Variants in AFAP1L2 observed in about 807,000 individuals in gnomAD.
AFAP1L2 encodes the protein actin filament-associated protein 1-like 2.
In AFAP1L2, 46 loss-of-function variants were observed where a neutral mutation model predicts 99.3. The observed-to-expected ratio is 0.46, with a 90% confidence interval of 0.37 to 0.59. The LOEUF is 0.59. Ranked by LOEUF, AFAP1L2 falls within the 20% of genes least tolerant of loss-of-function variation. AFAP1L2 has a pLI of 0.00. For missense variants in AFAP1L2, 959 were observed against 1,034.9 expected (o/e 0.93, Z 1.01); for synonymous variants, 397 against 419.1 (o/e 0.95, Z 0.64).
At chr10:114,378,287 A>G (rs73369135) in intron 1 of AFAP1L2, among the ~76,000 whole-genome samples, 1,739 of 152,308 alleles carry the variant, frequency 0.011, 20 homozygotes, top group African/African-American at 0.039. Context: ...CAGGGGCAAA[A>G]CTGTGTCGTC....
At chr10:114,299,177 G>A in intron 16 of AFAP1L2, 83 bp downstream of exon 16, 1 of 1,543,426 alleles carries the variant, frequency 6.5e-7, no homozygotes, top group African/African-American at 1.4e-5. Context: ...AGAAGGTGTG[G>A]TGACAGCCAG....
At chr10:114,384,403 C>G (rs2056221139) in intron 1 of AFAP1L2, among the ~76,000 whole-genome samples, 1 of 152,080 alleles carries the variant, frequency 6.6e-6, no homozygotes, top group African/African-American at 2.4e-5. Context: ...ATTGTTCCCC[C>G]CACACTTGTC....
At chr10:114,371,023 A>G (rs1190841055) in intron 1 of AFAP1L2, among the ~76,000 whole-genome samples, 1 of 152,162 alleles carries the variant, frequency 6.6e-6, no homozygotes, top group African/African-American at 2.4e-5. Context: ...TGACCATGAC[A>G]TCTACTTGGG....
chr10:114,357,369 C>T (rs192586139), intron 1 of AFAP1L2, among the ~76,000 whole-genome samples: 29 of 152,264 alleles, frequency 1.9e-4, no homozygotes, highest in African/African-American at 6.7e-4. Context: ...ATGCAACACC[C>T]ACACACACTC....
At chr10:114,289,533 G>A in the AFAP1L2 span, 1 of 1,603,232 alleles carries the variant, frequency 6.2e-7, no homozygotes, top group East Asian at 2.2e-5. Context: ...CCCATGGCAG[G>A]CCCTCAGCCT....
At chr10:114,373,781 C>T (rs1266678632) in intron 1 of AFAP1L2, among the ~76,000 whole-genome samples, 2 of 152,170 alleles carry the variant, frequency 1.3e-5, no homozygotes, top group Non-Finnish European at 2.9e-5. Flanking sequence ...GGCCACGGCC[C>T]CAGAGCTCCG....
chr10:114,399,152 G>T (rs1406996189), intron 1 of AFAP1L2, among the ~76,000 whole-genome samples: 1 of 152,200 alleles, frequency 6.6e-6, no homozygotes, highest in African/African-American at 2.4e-5. Context: ...GGCTGGAGAG[G>T]GACATAAGGA....
chr10:114,349,809 G>T (rs985079520), intron 1 of AFAP1L2, among the ~76,000 whole-genome samples: 1 of 151,810 alleles, frequency 6.6e-6, no homozygotes, highest in Non-Finnish European at 1.5e-5. Context: ...GAAATGGCGA[G>T]GGGGGCGGGG....
At chr10:114,282,379 A>G in the AFAP1L2 span, 3,195 of 704,832 alleles carry the variant, frequency 4.5e-3, 49 homozygotes, top group East Asian at 0.026. Flanking sequence ...GGTAGAATCA[A>G]GAAACAAAAC....
chr10:114,385,318 A>T (rs938255451), intron 1 of AFAP1L2, among the ~76,000 whole-genome samples: 2 of 152,282 alleles, frequency 1.3e-5, no homozygotes, highest in East Asian at 1.9e-4. Context: ...CTCAGCTGTG[A>T]GTGATGCTGG....
chr10:114,302,617 T>TTACA, intron 11 of AFAP1L2, 133 bp from the exon 12 acceptor site: 1 of 1,094,196 alleles, frequency 9.1e-7, no homozygotes, highest in Non-Finnish European at 1.3e-6. Flanking sequence ...CCCGGGGCTG[T>TTACA]GCTTCTCCTG....
At chr10:114,290,953 A>G (rs2133734282), downstream of AFAP1L2, among the ~76,000 whole-genome samples, 1 of 152,280 alleles carries the variant, frequency 6.6e-6, no homozygotes, top group South Asian at 2.1e-4. Context: ...GCTCCTGTTC[A>G]TGAGTTTGAA....
Position 114,363,124 on chromosome 10 carries a change from G to C in AFAP1L2, c.17-22393C>G, listed in dbSNP as rs1412315312. 5.1e-6 allele frequency: 5 copies of C among 985,300 alleles called. No homozygotes were observed. The East Asian group carries it at 4.5e-4, about 89-fold the overall frequency. The allele number at this position is 985,300 out of a possible 1,614,324, so 61.0% of individuals were successfully genotyped here. ...TCTCAGCACTGGGCGTCGTCATCTT[G>C]CAGGAGCAGGTTCTGAACACATAAG... On this transcript the variant is annotated intron_variant, in intron 1 of 18. Transcript: ENST00000304129.
At chr10:114,323,867 G>C (rs963395234) in intron 4 of AFAP1L2, among the ~76,000 whole-genome samples, 2 of 152,172 alleles carry the variant, frequency 1.3e-5, no homozygotes, top group Non-Finnish European at 2.9e-5. Flanking sequence ...TGATATAGTA[G>C]TGCTATAATG....
intron 1 of AFAP1L2, among the ~76,000 whole-genome samples, chr10:114,379,022 C>A (rs1160247310): frequency 6.6e-6 from 1 of 151,640 alleles, no homozygotes; most frequent in Non-Finnish European, 1.5e-5. Context: ...ACCAACTTGG[C>A]CAATATGGTG....
At position 114,313,879 on chromosome 10, in the gene AFAP1L2, A is replaced by T; in HGVS notation, c.784T>A (p.Trp262Arg). 1.9e-6 allele frequency: 3 copies of T among 1,606,954 alleles called. No individual in the cohort carries two copies. Among genetic ancestry groups the T allele is most frequent in the Non-Finnish European group, 2.6e-6 (3 of 1,175,500 alleles). ...CTCGGTGTCGCCCTCACCCTGAGCC[A>T]CTGCTCAGCCTGGTCCTTGCTCTGC... ...GLQSKDQAEQWLRVIQEVSGL... is the reference protein window; with the variant it reads ...GLQSKDQAEQRLRVIQEVSGL... Residue 262 changes from tryptophan (W) to arginine (R), a missense_variant, in exon 7 of 19, where the codon TGG becomes AGG. Trp to Arg is a moderately radical substitution (Grantham distance 101). Around this residue, in one of 2 missense-constraint regions of AFAP1L2, gnomAD observed 383 missense variants for 472.8 expected, o/e 0.81. Coordinates refer to ENST00000304129, the MANE Select transcript of AFAP1L2 (RefSeq NM_001001936.3).
At chr10:114,309,229 C>T (rs1380438714) in intron 8 of AFAP1L2, among the ~76,000 whole-genome samples, 3 of 152,164 alleles carry the variant, frequency 2.0e-5, no homozygotes, top group Admixed American at 6.5e-5. Flanking sequence ...CACTGCATGC[C>T]GAGTCTTTGA....
At chr10:114,358,628 C>A (rs2051743607) in intron 1 of AFAP1L2, among the ~76,000 whole-genome samples, 1 of 152,062 alleles carries the variant, frequency 6.6e-6, no homozygotes, top group Admixed American at 6.5e-5. Context: ...GAAAATAGAG[C>A]CTTAGGCTGG....
At chr10:114,344,653 G>T (rs1221465015) in intron 1 of AFAP1L2, among the ~76,000 whole-genome samples, 1 of 152,176 alleles carries the variant, frequency 6.6e-6, no homozygotes, top group Non-Finnish European at 1.5e-5. Flanking sequence ...GTGAACCCAG[G>T]GTGAGAAGAG....
Sources: gnomAD v4.1 joint callset for allele counts (sites outside exome capture counted in the v4.1 genomes callset) on GRCh38, gnomAD v4.1.1 for gene constraint, gnomAD v4.1.1 regional missense constraint, MANE v1.5 for transcripts, NCBI Gene and HGNC (gene_info 2026-07-23, HGNC 2026-07-21) for gene names.